Variants in SWT1 observed in about 807,000 individuals in gnomAD.
SWT1 encodes the protein SWT1 RNA endoribonuclease homolog.
SWT1 carries 33 observed loss-of-function variants against 107.3 expected under a neutral mutation model. The observed-to-expected ratio is 0.31, with a 90% CI of 0.23 to 0.41. The LOEUF is 0.41. SWT1 is among the 10% of genes least tolerant of loss of function. SWT1 has a pLI of 1.00. For synonymous variants in SWT1, 345 were observed against 348.3 expected, an observed-to-expected ratio of 0.99 and a Z score of 0.11; for missense variants, 898 against 1,028.9, an observed-to-expected ratio of 0.87 and a Z score of 1.74.
chr1:185,213,349 G>A (rs1658974532), intron 13 of SWT1, among the ~76,000 whole-genome samples: 1 of 152,094 alleles, frequency 6.6e-6, no homozygotes, highest in African/African-American at 2.4e-5. Context: ...AAAAAGAAAT[G>A]AAAGTTTTCC....
Position 185,271,348 on chromosome 1 carries a change from C to A in SWT1, c.2467C>A (p.Gln823Lys). Residue 823 changes from glutamine (Q) to lysine (K), a missense_variant, in exon 17 of 19, where the codon CAA becomes AAA. Physicochemically the swap from Gln to Lys is moderately conservative, Grantham distance 53 (BLOSUM62 1). This residue lies in a region of SWT1 where 382 missense variants were observed against 460.0 expected (regional missense o/e 0.83). Coordinates refer to ENST00000367500, the MANE Select transcript of SWT1 (RefSeq NM_017673.7). ...GATTTTGGCCCCAAACAGTAATTAT[C>A]AAGATGTTGAGACCCTCTATAACTT... is the stretch of plus-strand genomic sequence containing the variant. ...QRILAPNSNY[Q>K]DVETLYNFLI... 2 of 1,511,210 alleles carry A rather than the reference C, an allele frequency of 1.3e-6. No homozygotes were observed. Among genetic ancestry groups the A allele is most frequent in the South Asian group, 2.3e-5 (2 of 87,916 alleles). 93.6% of individuals were successfully genotyped at this position (1,511,210 alleles called of 1,614,324 possible). A position where few individuals can be genotyped will look rare whatever the true frequency, so the allele number is the denominator to read the frequency against.
At chr1:185,215,040 T>C (rs1054623571) in intron 14 of SWT1, among the ~76,000 whole-genome samples, 3 of 152,174 alleles carry the variant, frequency 2.0e-5, no homozygotes, top group Non-Finnish European at 1.5e-5. Flanking sequence ...ATTGAATCTA[T>C]TTTTTGACAG....
At chr1:185,282,769 G>T (rs913662666) in intron 18 of SWT1, among the ~76,000 whole-genome samples, 1 of 152,028 alleles carries the variant, frequency 6.6e-6, no homozygotes, top group East Asian at 1.9e-4. Flanking sequence ...ATAGTACACC[G>T]AGTCGGTGTT....
Position 185,174,379 on chromosome 1 carries a change from G to A in SWT1, c.232G>A (p.Val78Ile), listed in dbSNP as rs556246892. ...KRRQGLKRLS[V>I]EIDTLRRRPK... Reference sequence around the variant, plus strand: ...TTCTGTGCTGTTTTACAGATTGAGTGTAGAAATTGACACTCTCAGAAGGAG... The same window carrying A: ...TTCTGTGCTGTTTTACAGATTGAGTATAGAAATTGACACTCTCAGAAGGAG... The change falls in exon 5 of 19, where the codon GTA (valine) becomes ATA (isoleucine). Residue 78 changes from valine to isoleucine, a missense_variant. Around this residue, in one of 6 missense-constraint regions of SWT1, gnomAD observed 382 missense variants for 362.4 expected, o/e 1.05. Coordinates refer to ENST00000367500, the MANE Select transcript of SWT1 (RefSeq NM_017673.7). 1 of 1,544,548 alleles carries A rather than the reference G, an allele frequency of 6.5e-7. No individual in the cohort carries two copies. Among genetic ancestry groups the A allele is most frequent in the Non-Finnish European group, 8.7e-7 (1 of 1,153,338 alleles).
intron 9 of SWT1, among the ~76,000 whole-genome samples, chr1:185,188,781 G>A (rs1381709734): frequency 6.6e-6 from 1 of 152,154 alleles, no homozygotes; most frequent in African/African-American, 2.4e-5. Flanking sequence ...AAATTTTAAT[G>A]TATAAGAGAC....
intron 15 of SWT1, among the ~76,000 whole-genome samples, chr1:185,231,281 G>A (rs1307957733): frequency 6.6e-6 from 1 of 152,100 alleles, no homozygotes; most frequent in African/African-American, 2.4e-5. Flanking sequence ...AATGCAGATG[G>A]ATAGCATTAC....
chr1:185,223,784 T>C (rs1357982172), intron 15 of SWT1, among the ~76,000 whole-genome samples: 1 of 152,156 alleles, frequency 6.6e-6, no homozygotes, highest in Non-Finnish European at 1.5e-5. Context: ...TTTTTCCTGA[T>C]CCTCTCCCTC....
At chr1:185,269,586 T>C (rs1663701870) in intron 16 of SWT1, among the ~76,000 whole-genome samples, 1 of 152,090 alleles carries the variant, frequency 6.6e-6, no homozygotes, top group Admixed American at 6.5e-5. Flanking sequence ...AAGGATGTAA[T>C]TAAGATTATT....
At chr1:185,278,575 C>G (rs902847792) in intron 18 of SWT1, among the ~76,000 whole-genome samples, 7 of 152,216 alleles carry the variant, frequency 4.6e-5, no homozygotes, top group African/African-American at 1.7e-4. Context: ...TTCCAATACC[C>G]TCCACCACTA....
At chr1:185,201,856 G>A (rs75397465) in intron 10 of SWT1, among the ~76,000 whole-genome samples, 27 of 152,186 alleles carry the variant, frequency 1.8e-4, no homozygotes, top group African/African-American at 6.5e-4. Flanking sequence ...TGTAGTTCTC[G>A]CTATGCATTT....
At chr1:185,178,968 G>A (rs571555047) in intron 5 of SWT1, among the ~76,000 whole-genome samples, 2 of 152,256 alleles carry the variant, frequency 1.3e-5, no homozygotes, top group East Asian at 3.9e-4. Context: ...TACGTATGAT[G>A]TACTTGTTTA....
chr1:185,194,284 T>C (rs1657204796), intron 10 of SWT1, among the ~76,000 whole-genome samples: 1 of 152,218 alleles, frequency 6.6e-6, no homozygotes, highest in African/African-American at 2.4e-5. Flanking sequence ...CACATTTAAT[T>C]TGTTGGATTA....
At chr1:185,202,910 C>T in intron 11 of SWT1, 111 bp downstream of exon 11, 1 of 534,204 alleles carries the variant, frequency 1.9e-6, no homozygotes, top group East Asian at 3.6e-5. Flanking sequence ...AAAATAACAT[C>T]GTTTGGAATA....
At chr1:185,171,496 T>C in intron 4 of SWT1, 1 of 312,290 alleles carries the variant, frequency 3.2e-6, no homozygotes. Flanking sequence ...ATCTCGGAAG[T>C]CATGGTGATC....
rs1656055528 is a variant in SWT1 at position 185,181,970 on chromosome 1, G to A, written c.1051G>A (p.Ala351Thr). 1 of 1,613,762 alleles carries A rather than the reference G, an allele frequency of 6.2e-7. No homozygotes were observed. ...QEMQIVEELH[A>T]ARVGKSVDLP... is the part of the protein sequence containing the mutation. ...GATGCAGATAGTAGAAGAGCTTCAT[G>A]CTGCACGTGTGGGAAAAAGTGTGGA... is the stretch of plus-strand genomic sequence containing the variant. The change falls in exon 7 of 19, where the codon GCT becomes ACT. Residue 351 changes from alanine to threonine, a missense_variant. Physicochemically the swap from Ala to Thr is moderately conservative, Grantham distance 58. Transcript: ENST00000367500.
At chr1:185,253,154 G>A (rs1662180601) in intron 16 of SWT1, among the ~76,000 whole-genome samples, 1 of 146,400 alleles carries the variant, frequency 6.8e-6, no homozygotes, top group South Asian at 2.2e-4. Context: ...CTCTGTTTTG[G>A]TACCAGTACC....
intron 15 of SWT1, among the ~76,000 whole-genome samples, chr1:185,224,322 G>A (rs12406867): frequency 0.056 from 8,597 of 152,186 alleles, 290 homozygotes; most frequent in Middle Eastern, 0.11. Context: ...CCAGTACCAT[G>A]CTGTTTTGGT....
chr1:185,248,775 CA>C (rs371891305), intron 16 of SWT1, among the ~76,000 whole-genome samples: 1,563 of 117,808 alleles, frequency 0.013, 34 homozygotes, highest in East Asian at 0.12. Context: ...ACGACTAAGC[CA>C]AAAAAAAAAA....
At chr1:185,265,403 C>T (rs1277997644) in intron 16 of SWT1, among the ~76,000 whole-genome samples, 2 of 152,226 alleles carry the variant, frequency 1.3e-5, no homozygotes, top group South Asian at 2.1e-4. Context: ...AATAATCCCC[C>T]CCAAACGTGC....
Sources: gnomAD v4.1 joint callset for allele counts (sites outside exome capture counted in the v4.1 genomes callset) on GRCh38, gnomAD v4.1.1 for gene constraint, gnomAD v4.1.1 regional missense constraint, MANE v1.5 for transcripts, NCBI Gene and HGNC (gene_info 2026-07-23, HGNC 2026-07-21) for gene names.